AGBL4: variants seen among roughly 807,000 people sequenced by gnomAD.
AGBL4 encodes the protein AGBL carboxypeptidase 4.
Under a neutral mutation model 66.4 loss-of-function variants are expected in AGBL4, and 58 were observed. That is an observed-to-expected ratio of 0.87 (90% CI 0.71 to 1.09). The LOEUF (loss-of-function observed/expected upper bound fraction) is 1.09, where lower values mean the gene tolerates loss of function less well. AGBL4 is among the 50% of genes least tolerant of loss of function. The probability of loss-of-function intolerance (pLI) is 0.00; values close to 1 mark genes in which losing one functional copy is unlikely to be tolerated. For missense variants in AGBL4, 579 were observed against 631.0 expected (o/e 0.92, Z 0.88); for synonymous variants, 234 against 222.9 (o/e 1.05, Z -0.44).
At chr1:49,915,822 G>C (rs554900624) in intron 1 of AGBL4, among the ~76,000 whole-genome samples, 1 of 152,104 alleles carries the variant, frequency 6.6e-6, no homozygotes, top group South Asian at 2.1e-4. Flanking sequence ...AGCCTAACTG[G>C]GAGACACCCC....
intron 6 of AGBL4, among the ~76,000 whole-genome samples, chr1:48,852,120 A>G (rs1324464003): frequency 1.3e-5 from 2 of 149,346 alleles, no homozygotes; most frequent in Non-Finnish European, 3.0e-5. Context: ...GGGATGAAAG[A>G]CTTGAAGCTT....
At chr1:48,872,333 G>T (rs1648752235) in intron 5 of AGBL4, among the ~76,000 whole-genome samples, 2 of 152,110 alleles carry the variant, frequency 1.3e-5, no homozygotes, top group South Asian at 4.1e-4. Context: ...ATCCCAGGCT[G>T]CATCTTTGTT....
At chr1:48,812,959 G>T (rs1344234420) in intron 6 of AGBL4, among the ~76,000 whole-genome samples, 2 of 151,886 alleles carry the variant, frequency 1.3e-5, no homozygotes, top group African/African-American at 2.4e-5. Flanking sequence ...GGGGACTGTT[G>T]TGGGGTGGGG....
At chr1:48,981,768 T>C (rs2148965845) in intron 5 of AGBL4, among the ~76,000 whole-genome samples, 1 of 152,186 alleles carries the variant, frequency 6.6e-6, no homozygotes, top group East Asian at 1.9e-4. Context: ...GCTTGGAATC[T>C]ACTACTGTAA....
intron 8 of AGBL4, among the ~76,000 whole-genome samples, chr1:48,647,071 G>A (rs61665823): frequency 6.6e-6 from 1 of 152,144 alleles, no homozygotes; most frequent in African/African-American, 2.4e-5. Context: ...ACAAACCTTA[G>A]TTATACTGGA....
At chr1:49,219,340 T>C (rs1404108692) in intron 4 of AGBL4, among the ~76,000 whole-genome samples, 2 of 152,204 alleles carry the variant, frequency 1.3e-5, no homozygotes, top group Non-Finnish European at 2.9e-5. Flanking sequence ...ATATCCATTG[T>C]TCTATTCTTA....
chr1:49,579,577 G>A (rs1166832395), intron 3 of AGBL4, among the ~76,000 whole-genome samples: 3 of 152,056 alleles, frequency 2.0e-5, no homozygotes, highest in African/African-American at 7.2e-5. Context: ...TTGGCTCACT[G>A]CAAGCTCCAC....
Position 49,600,919 on chromosome 1 carries a change from G to A in AGBL4, c.282+96394C>T, listed in dbSNP as rs1313946533. ...TAGTTTGGCTGGTTATGAAATTCTG[G>A]GTTGAAAATTATTCCCTTTAAGAAT... is the stretch of plus-strand genomic sequence containing the variant. On this transcript the variant is annotated intron_variant, in intron 3 of 13. Transcript: ENST00000371839. Among the ~76,000 whole-genome samples the A allele has an allele frequency of 4.6e-5, 7 of 152,204 alleles. 1 individual carries two copies. In the East Asian group the frequency reaches 1.2e-3, roughly 25 times the overall value.
intron 4 of AGBL4, among the ~76,000 whole-genome samples, chr1:49,121,140 A>G (rs781710441): frequency 1.3e-5 from 2 of 152,036 alleles, no homozygotes; most frequent in Non-Finnish European, 2.9e-5. Context: ...CTTCCTTGTG[A>G]TGGGTTCGAA....
intron 3 of AGBL4, among the ~76,000 whole-genome samples, chr1:49,517,902 T>C (rs560012204): frequency 1.3e-5 from 2 of 152,210 alleles, no homozygotes; most frequent in South Asian, 4.1e-4. Context: ...TCAGACTAAA[T>C]ATGTTAATGA....
chr1:49,179,923 C>T (rs1036108365), intron 4 of AGBL4, among the ~76,000 whole-genome samples: 30 of 150,674 alleles, frequency 2.0e-4, no homozygotes, highest in African/African-American at 4.4e-4. Flanking sequence ...TTTTTTGAGA[C>T]GGAGTTTCGC....
chr1:49,550,024 C>T (rs1289566852), intron 3 of AGBL4, among the ~76,000 whole-genome samples: 2 of 152,116 alleles, frequency 1.3e-5, no homozygotes, highest in Non-Finnish European at 2.9e-5. Context: ...GGCATTTTAC[C>T]ATTACATAAT....
intron 3 of AGBL4, among the ~76,000 whole-genome samples, chr1:49,688,801 T>A (rs1169123854): frequency 1.3e-5 from 2 of 152,230 alleles, no homozygotes; most frequent in African/African-American, 2.4e-5. Flanking sequence ...ATTGTAGTTT[T>A]GATTTGCATT....
At chr1:49,006,594 A>G (rs1255361776) in intron 5 of AGBL4, among the ~76,000 whole-genome samples, 5 of 151,994 alleles carry the variant, frequency 3.3e-5, no homozygotes, top group African/African-American at 1.2e-4. Flanking sequence ...AAACAAAAAG[A>G]CAGCAGTAAC....
chr1:48,813,454 A>T (rs1646103421), intron 6 of AGBL4, among the ~76,000 whole-genome samples: 1 of 152,142 alleles, frequency 6.6e-6, no homozygotes, highest in Admixed American at 6.5e-5. Flanking sequence ...GGCATTAGGG[A>T]GGTCTGGACT....
intron 3 of AGBL4, among the ~76,000 whole-genome samples, chr1:49,493,644 A>G (rs1490672477): frequency 1.3e-5 from 2 of 151,966 alleles, no homozygotes; most frequent in African/African-American, 4.8e-5. Flanking sequence ...AGAAGGAGAG[A>G]ACCATGTGAG....
intron 2 of AGBL4, among the ~76,000 whole-genome samples, chr1:49,815,524 G>GTA (rs933527030): frequency 6.6e-6 from 1 of 152,120 alleles, no homozygotes; most frequent in African/African-American, 2.4e-5. Context: ...TCTCTTTGGG[G>GTA]TATATACCTA....
chr1:49,311,254 T>C (rs1386989664), intron 3 of AGBL4, among the ~76,000 whole-genome samples: 2 of 152,074 alleles, frequency 1.3e-5, no homozygotes, highest in African/African-American at 2.4e-5. Context: ...TGTTTTACCA[T>C]GCCACAGAGG....
rs184518344 is a variant in AGBL4 at position 49,074,034 on chromosome 1, G to A, written c.378-28234C>T. On this transcript the variant is annotated intron_variant, in intron 4 of 13. Transcript: ENST00000371839. ...ACTTCCCGGTGGCTGTGTTTACACT[G>A]TGAGCATAAAACTGCCTACTCAAGC... 1.3e-3 allele frequency among the ~76,000 whole-genome samples: 195 copies of A among 152,284 alleles called. 2 individuals are homozygous for A. Among genetic ancestry groups the A allele is most frequent in the Non-Finnish European group, 2.1e-3 (145 of 68,030 alleles).
Sources: allele counts gnomAD v4.1 joint callset (sites outside exome capture counted in the v4.1 genomes callset), GRCh38; gene constraint gnomAD v4.1.1; transcripts MANE v1.5; gene names NCBI Gene and HGNC (gene_info 2026-07-23, HGNC 2026-07-21).